COBL: variants seen among roughly 807,000 people sequenced by gnomAD.
COBL encodes the protein cordon-bleu WH2 repeat protein, also known as protein cordon-bleu.
COBL carries 51 observed loss-of-function variants against 98.8 expected under a neutral mutation model. The ratio of observed to expected loss-of-function variants is 0.52; its 90% CI spans 0.41 to 0.65. The LOEUF is 0.65. COBL is among the 30% of genes least tolerant of loss of function. COBL has a pLI of 0.00. For synonymous variants in COBL, 634 were observed against 651.7 expected (o/e 0.97, Z 0.41); for missense variants, 1,617 against 1,617.5 (o/e 1.00, Z 0.01).
At chr7:51,140,552 C>A (rs998981832) in intron 5 of COBL, among the ~76,000 whole-genome samples, 1 of 151,902 alleles carries the variant, frequency 6.6e-6, no homozygotes, top group African/African-American at 2.4e-5. Flanking sequence ...TGTGTGTGTG[C>A]GTATATATAT....
chr7:51,119,678 G>T (rs1209172788), intron 6 of COBL, among the ~76,000 whole-genome samples: 1 of 152,090 alleles, frequency 6.6e-6, no homozygotes, highest in African/African-American at 2.4e-5. Context: ...ACATCAACGG[G>T]TCAAATATTA....
At chr7:51,119,982 A>T (rs543454318) in intron 6 of COBL, among the ~76,000 whole-genome samples, 1 of 152,316 alleles carries the variant, frequency 6.6e-6, no homozygotes, top group African/African-American at 2.4e-5. Flanking sequence ...AAACCAGTAG[A>T]TCTCATTAAA....
chr7:51,153,434 T>TAATC (rs997366166), intron 5 of COBL, among the ~76,000 whole-genome samples: 1 of 152,242 alleles, frequency 6.6e-6, no homozygotes, highest in Non-Finnish European at 1.5e-5. Flanking sequence ...ACCATAAATG[T>TAATC]AATCATTCCT....
intron 5 of COBL, among the ~76,000 whole-genome samples, chr7:51,144,444 A>G (rs1178402720): frequency 6.6e-6 from 1 of 152,226 alleles, no homozygotes; most frequent in African/African-American, 2.4e-5. Context: ...AATGATGCAC[A>G]CACCCAGGCT....
intron 1 of COBL, among the ~76,000 whole-genome samples, chr7:51,234,810 C>G (rs1795093867): frequency 6.6e-6 from 1 of 152,032 alleles, no homozygotes; most frequent in African/African-American, 2.4e-5. Context: ...TAGACCAGGG[C>G]ACATGCTGTG....
In COBL at chr7:51,298,238, G is replaced by A. The variant is rs190694048; in HGVS notation, c.41+18355C>T. 1.3e-3 allele frequency among the ~76,000 whole-genome samples: 195 copies of A among 152,324 alleles called. 1 individual carries two copies. The highest frequency in any genetic ancestry group is 1.0e-3 in the Non-Finnish European group (69 of 68,038). On this transcript the variant is annotated intron_variant, in intron 1 of 12. Coordinates refer to ENST00000265136, the MANE Select transcript of COBL (RefSeq NM_015198.5). ...GAGCCACTGTCCAGCCACTGCATAT[G>A]ACTCTAAGCATAGTTACAACCTAAA...
intron 5 of COBL, among the ~76,000 whole-genome samples, chr7:51,146,624 C>T (rs1019505883): frequency 9.0e-5 from 10 of 111,152 alleles, no homozygotes; most frequent in Non-Finnish European, 1.6e-4. Flanking sequence ...GGAAGGTGAC[C>T]GCTGTGGAGC....
At chr7:51,079,080 G>A (rs1361244889) in intron 7 of COBL, among the ~76,000 whole-genome samples, 1 of 152,154 alleles carries the variant, frequency 6.6e-6, no homozygotes, top group Admixed American at 6.5e-5. Flanking sequence ...CGTGGCAAGA[G>A]GCTACAAGAG....
intron 7 of COBL, among the ~76,000 whole-genome samples, chr7:51,056,177 C>G (rs1790729014): frequency 7.0e-6 from 1 of 143,614 alleles, no homozygotes; most frequent in African/African-American, 2.7e-5. Flanking sequence ...TGTTTGTAAA[C>G]TACGTCAAAA....
At position 51,108,392 on chromosome 7, in the gene COBL, G is replaced by A. The variant is rs571243348; in HGVS notation, c.958-23088C>T. Among the ~76,000 whole-genome samples, 9 of 152,286 alleles carry A rather than the reference G, an allele frequency of 5.9e-5. No individual in the cohort carries two copies. The South Asian group carries it at 1.5e-3, about 25-fold the overall frequency. On this transcript the variant is annotated intron_variant, in intron 6 of 12. Transcript: ENST00000265136. Reference sequence around the variant, plus strand: ...TGTGCTGGACTGTGGAAAGGGATTCGGTTGGGGTGAGCCTGGGGATGCTGT... The same window carrying A: ...TGTGCTGGACTGTGGAAAGGGATTCAGTTGGGGTGAGCCTGGGGATGCTGT...
At chr7:51,173,950 AT>A (rs888935486) in intron 5 of COBL, among the ~76,000 whole-genome samples, 18 of 151,988 alleles carry the variant, frequency 1.2e-4, no homozygotes, top group African/African-American at 4.4e-4. Context: ...CATACCTATA[AT>A]TTTTTTTCCT....
rs1422659536 is a variant in COBL, at chr7:51,168,449, G to A, written c.783+15653C>T. 4.6e-5 allele frequency among the ~76,000 whole-genome samples: 7 copies of A among 151,652 alleles called. No homozygotes were observed. The South Asian group carries it at 1.5e-3, about 32-fold the overall frequency. On this transcript the variant is annotated intron_variant, in intron 5 of 12. Coordinates refer to ENST00000265136, the MANE Select transcript of COBL (RefSeq NM_015198.5). ...AGACTCCGTTTCAAAAAAAAAAAAT[G>A]GGCAAAAGATTTAAATAGACATTTC...
intron 1 of COBL, among the ~76,000 whole-genome samples, chr7:51,287,792 T>C (rs1234049786): frequency 6.6e-6 from 1 of 151,622 alleles, no homozygotes; most frequent in African/African-American, 2.4e-5. Context: ...TGATAGAAGA[T>C]GACTCTGCAT....
chr7:51,134,486 T>C (rs1799038510), intron 6 of COBL, among the ~76,000 whole-genome samples: 1 of 152,206 alleles, frequency 6.6e-6, no homozygotes, highest in South Asian at 2.1e-4. Context: ...GGTAAGCACA[T>C]TAAATGCAGA....
intron 6 of COBL, among the ~76,000 whole-genome samples, chr7:51,102,860 A>C (rs908129437): frequency 6.6e-6 from 1 of 152,226 alleles, no homozygotes; most frequent in Non-Finnish European, 1.5e-5. Flanking sequence ...ATATAGTCAA[A>C]TCATAGAACC....
chr7:51,163,425 T>C (rs1324471984), intron 5 of COBL, among the ~76,000 whole-genome samples: 1 of 152,212 alleles, frequency 6.6e-6, no homozygotes, highest in Non-Finnish European at 1.5e-5. Flanking sequence ...CTAAGCACAG[T>C]GCCTAGAACA....
At chr7:51,159,170 TGCCGCGTGAAACCGCAGG>T (rs1334543858) in intron 5 of COBL, among the ~76,000 whole-genome samples, 1 of 152,194 alleles carries the variant, frequency 6.6e-6, no homozygotes, top group Non-Finnish European at 1.5e-5. Context: ...GCGCTCTGGA[TGCCGCGTGAAACCGCAGG>T]GCGCAAAGCA....
At position 51,028,772 on chromosome 7, in the gene COBL, GA is replaced by G. The variant is rs1288599989; in HGVS notation, c.2323del (p.Ser775LeufsTer55). ...GGGTCGGCCCAGGTGTTTTTCCACAGAGTTGCACCTCCAGAACTCTCTGACT... is the reference window on the plus strand; with the variant it reads ...GGGTCGGCCCAGGTGTTTTTCCACAGGTTGCACCTCCAGAACTCTCTGACT... The part of the protein sequence containing the change: ...GKVREFWRCN[S>X]VEKHLGRPSE... On this transcript the variant is annotated frameshift_variant, in exon 10 of 13. Transcript: ENST00000265136. LOFTEE classifies it high-confidence loss of function. 1 of 1,614,116 alleles carries G rather than the reference GA, an allele frequency of 6.2e-7. No individual in the cohort carries two copies. Among genetic ancestry groups the G allele is most frequent in the Non-Finnish European group, 8.5e-7 (1 of 1,180,056 alleles).
At chr7:51,304,545 T>C (rs1030166156) in intron 1 of COBL, among the ~76,000 whole-genome samples, 1 of 152,236 alleles carries the variant, frequency 6.6e-6, no homozygotes, top group Non-Finnish European at 1.5e-5. Context: ...CAAGGTGGCA[T>C]TGGCCGCATT....
Sources: allele counts gnomAD v4.1 joint callset (sites outside exome capture counted in the v4.1 genomes callset), GRCh38; gene constraint gnomAD v4.1.1; transcripts MANE v1.5; gene names NCBI Gene and HGNC (gene_info 2026-07-23, HGNC 2026-07-21).